PLD1: variants seen among roughly 807,000 people sequenced by gnomAD.
PLD1 encodes choline phosphatase 1.
In PLD1, 112 loss-of-function variants were observed where a neutral mutation model predicts 137.1. The ratio of observed to expected loss-of-function variants is 0.82; its 90% confidence interval spans 0.70 to 0.96. The LOEUF (loss-of-function observed/expected upper bound fraction) is 0.96. Ranked by LOEUF, PLD1 falls within the 40% of genes least tolerant of loss-of-function variation. PLD1 has a pLI of 0.00. For synonymous variants in PLD1, 431 were observed against 454.7 expected (o/e 0.95, Z 0.66); for missense variants, 1,321 against 1,342.0 (o/e 0.98, Z 0.24).
intron 12 of PLD1, among the ~76,000 whole-genome samples, chr3:171,697,459 C>T (rs571293371): frequency 2.0e-5 from 3 of 151,942 alleles, no homozygotes; most frequent in African/African-American, 7.2e-5. Flanking sequence ...TTATTTTGAT[C>T]AGACCACCCC....
chr3:171,647,998 C>T (rs181704420), intron 21 of PLD1, among the ~76,000 whole-genome samples: 7 of 152,064 alleles, frequency 4.6e-5, no homozygotes, highest in Non-Finnish European at 7.3e-5. Flanking sequence ...TGACTTGTTT[C>T]GCTTAGCATA....
chr3:171,807,862 G>A lies in PLD1; in HGVS notation c.-32+2537C>T, dbSNP rs187220872. Among the ~76,000 whole-genome samples the A allele has an allele frequency of 1.2e-3, 180 of 152,326 alleles. 1 individual carries two copies. Among genetic ancestry groups the A allele is most frequent in the Admixed American group, 2.8e-3 (43 of 15,302 alleles). Reference sequence around the variant, plus strand: ...TATGGACCGGATAAGAGAAAATGTGGTCCATATGCATCATAGAATACCATG... The same window carrying A: ...TATGGACCGGATAAGAGAAAATGTGATCCATATGCATCATAGAATACCATG... On this transcript the variant is annotated intron_variant, in intron 1 of 26. Transcript: ENST00000351298.
intron 25 of PLD1, chr3:171,611,475 C>A (rs1049768785): frequency 2.4e-6 from 1 of 417,204 alleles, no homozygotes; most frequent in Non-Finnish European, 4.8e-6. Flanking sequence ...CTTGAAAGTT[C>A]TAAATAACAC....
chr3:171,600,982 G>T lies in PLD1; in HGVS notation c.*2096C>A, dbSNP rs1314456709. ...CCCATGGAGCTTACATTCTAGTAGG[G>T]GGAGACAGACAAACACATAAATACA... On this transcript the variant is annotated 3_prime_UTR_variant, in exon 27 of 27. Coordinates refer to ENST00000351298, the MANE Select transcript of PLD1 (RefSeq NM_002662.5). 3 of 152,190 alleles carry T rather than the reference G, an allele frequency of 2.0e-5. No individual in the cohort carries two copies. The highest frequency in any genetic ancestry group is 4.4e-5 in the Non-Finnish European group (3 of 68,050). 9.4% of individuals were successfully genotyped at this position (152,190 alleles called of 1,614,324 possible). A position where few individuals can be genotyped will look rare whatever the true frequency, so the allele number is the denominator to read the frequency against.
chr3:171,644,452 G>A (rs1269322501), intron 22 of PLD1, among the ~76,000 whole-genome samples: 7 of 152,074 alleles, frequency 4.6e-5, no homozygotes, highest in South Asian at 4.1e-4. Context: ...ACAAAATTCC[G>A]GGAATTTATT....
At chr3:171,793,574 G>C (rs1723305101) in intron 1 of PLD1, 1 of 151,932 alleles carries the variant, frequency 6.6e-6, no homozygotes, top group Non-Finnish European at 1.5e-5. Flanking sequence ...CGCTACTTTT[G>C]CACTTTGTAG....
intron 1 of PLD1, chr3:171,792,765 C>T (rs962963287): frequency 2.9e-5 from 13 of 450,934 alleles, no homozygotes; most frequent in Admixed American, 7.2e-5. Flanking sequence ...AGAGCCCCAC[C>T]CTCCCCCCAG....
In PLD1 at chr3:171,673,598, T is replaced by A. The variant is rs372517877; in HGVS notation, c.2229+902A>T. Among the ~76,000 whole-genome samples the A allele has an allele frequency of 5.9e-5, 9 of 152,268 alleles. No individual in the cohort carries two copies. In the East Asian group the frequency reaches 1.7e-3, roughly 29 times the overall value. On this transcript the variant is annotated intron_variant, in intron 19 of 26. Transcript: ENST00000351298. ...TTTTAAAAAAAGTTCTATTATTTGA[T>A]CTACAGTCTGAAATGTCTTATTTCT...
rs80098274 is a variant in PLD1, at chr3:171,791,487, A to G, written c.-32+18912T>C. Among the ~76,000 whole-genome samples the G allele has an allele frequency of 9.4e-3, 1,426 of 152,290 alleles. 28 individuals carry two copies. The highest frequency in any genetic ancestry group is 0.033 in the African/African-American group (1,365 of 41,558). ...CCAGCTCCAGCTCTATTGTGTCTCT[A>G]TATCACGGTGAAAAACTGCCTGACA... is the stretch of plus-strand genomic sequence containing the variant. On this transcript the variant is annotated intron_variant, in intron 1 of 26. Transcript: ENST00000351298.
intron 11 of PLD1, among the ~76,000 whole-genome samples, chr3:171,705,642 A>T (rs746683063): frequency 3.9e-5 from 6 of 152,238 alleles, no homozygotes; most frequent in Non-Finnish European, 4.4e-5. Context: ...TGCTGATACA[A>T]GCTAAAATCA....
At chr3:171,665,528 C>T (rs779093750) in intron 19 of PLD1, among the ~76,000 whole-genome samples, 27 of 152,152 alleles carry the variant, frequency 1.8e-4, no homozygotes, top group Middle Eastern at 3.4e-3. Context: ...GGCGAAACCC[C>T]GTCTCTATTA....
At chr3:171,618,522 T>C (rs1258428164) in intron 24 of PLD1, among the ~76,000 whole-genome samples, 2 of 152,218 alleles carry the variant, frequency 1.3e-5, no homozygotes, top group African/African-American at 2.4e-5. Flanking sequence ...CTTACTGTCA[T>C]TGTCAAATTT....
Position 171,618,864 on chromosome 3 carries a change from T to C in PLD1, c.2728+1522A>G, listed in dbSNP as rs980991171. On this transcript the variant is annotated intron_variant, in intron 24 of 26. Coordinates refer to ENST00000351298, the MANE Select transcript of PLD1 (RefSeq NM_002662.5). Reference sequence around the variant, plus strand: ...AATATTAAAAGTGTGTGTGCGTGTGTGTGTGTGTGTGTGTATGTATCTCAC... The same window carrying C: ...AATATTAAAAGTGTGTGTGCGTGTGCGTGTGTGTGTGTGTATGTATCTCAC... Among the ~76,000 whole-genome samples, 13 of 151,956 alleles carry C rather than the reference T, an allele frequency of 8.6e-5. No homozygotes were observed. The South Asian group carries it at 1.0e-3, about 12-fold the overall frequency.
intron 6 of PLD1, among the ~76,000 whole-genome samples, chr3:171,727,378 T>C (rs908399991): frequency 1.3e-5 from 2 of 152,202 alleles, no homozygotes; most frequent in African/African-American, 2.4e-5. Flanking sequence ...TCAAATTGAG[T>C]TCCTTGCATA....
At chr3:171,605,467 T>G in intron 25 of PLD1, 51 bp from the exon 26 acceptor site, 1 of 1,001,278 alleles carries the variant, frequency 1.0e-6, no homozygotes, top group Non-Finnish European at 1.6e-6. Flanking sequence ...AGCAGTTTGT[T>G]GCAGGATATA....
intron 23 of PLD1, among the ~76,000 whole-genome samples, chr3:171,641,653 T>C (rs1735751855): frequency 6.6e-6 from 1 of 152,138 alleles, no homozygotes; most frequent in Non-Finnish European, 1.5e-5. Context: ...CTTGGTCCAT[T>C]GGATTGAAAC....
intron 23 of PLD1, among the ~76,000 whole-genome samples, chr3:171,639,848 C>CTCTCTCTCTATATATATA (rs3050415): frequency 1.8e-5 from 2 of 110,212 alleles, no homozygotes; most frequent in African/African-American, 7.8e-5. Flanking sequence ...CTCTCTCTCT[C>CTCTCTCTCTATATATATA]TATATATATA....
intron 6 of PLD1, 123 bp from the exon 7 acceptor site, chr3:171,726,199 T>C: frequency 3.0e-6 from 2 of 658,886 alleles, no homozygotes; most frequent in Non-Finnish European, 5.5e-6. Flanking sequence ...ACTACACAGA[T>C]CAATAATAAT....
In PLD1 at chr3:171,680,242, C is replaced by CTTTTTTTTTTT. The variant is rs571538714; in HGVS notation, c.1868-2559_1868-2549dup. 4.9e-5 allele frequency among the ~76,000 whole-genome samples: 5 copies of CTTTTTTTTTTT among 102,928 alleles called. 1 individual carries two copies. Among genetic ancestry groups the CTTTTTTTTTTT allele is most frequent in the African/African-American group, 4.2e-5 (1 of 23,884 alleles). The allele number at this position is 102,928 out of a possible 152,430, so 67.5% of individuals were successfully genotyped here. The stretch of plus-strand genomic sequence containing the variant: ...GTCTTTTTGTTTTCTTTTTCTTCCT[C>CTTTTTTTTTTT]TTTTTTTTTTTTTTTTTTTTTTTTT... On this transcript the variant is annotated intron_variant, in intron 16 of 26. Coordinates refer to ENST00000351298, the MANE Select transcript of PLD1 (RefSeq NM_002662.5).
Sources: gnomAD v4.1 joint callset for allele counts (sites outside exome capture counted in the v4.1 genomes callset) on GRCh38, gnomAD v4.1.1 for gene constraint, MANE v1.5 for transcripts, NCBI Gene and HGNC (gene_info 2026-07-23, HGNC 2026-07-21) for gene names.